The following KCNG3 variants were observed in gnomAD, a reference collection of about 807,000 sequenced individuals.
KCNG3 encodes potassium voltage-gated channel modifier subfamily G member 3.
A neutral mutation model predicts 29.0 loss-of-function variants in KCNG3; 15 were observed. The ratio of observed to expected loss-of-function variants is 0.52; its 90% CI spans 0.35 to 0.80. The LOEUF is 0.80. KCNG3 is among the 30% of genes least tolerant of loss of function. The pLI, the probability that KCNG3 is intolerant of heterozygous loss-of-function variation, is 0.01. For missense variants in KCNG3, 512 were observed against 605.7 expected (o/e 0.85, Z 1.62); for synonymous variants, 322 against 248.9 (o/e 1.29, Z -2.76).
intron 1 of KCNG3, among the ~76,000 whole-genome samples, chr2:42,464,496 G>C (rs926792717): frequency 6.6e-6 from 1 of 152,182 alleles, no homozygotes; most frequent in African/African-American, 2.4e-5. Context: ...ACTAAAAGCA[G>C]CAATACTCGA....
At chr2:42,417,905 C>A in the KCNG3 span, among the ~76,000 whole-genome samples, 1 of 151,626 alleles carries the variant, frequency 6.6e-6, no homozygotes, top group South Asian at 2.1e-4. Flanking sequence ...CCAGGAGGTG[C>A]GGGTTGCAGT....
In KCNG3 at chr2:42,492,711, C is replaced by G. The variant is rs1433725225; in HGVS notation, c.665+126G>C. ...GGTCCCGTAGTTGGCCGCGCCTGGGCCTCGCTGGGCGCGCACCCCGCTGGC... is the reference window on the plus strand; with the variant it reads ...GGTCCCGTAGTTGGCCGCGCCTGGGGCTCGCTGGGCGCGCACCCCGCTGGC... On this transcript the variant is annotated intron_variant, in intron 1 of 1. Coordinates refer to ENST00000306078, the MANE Select transcript of KCNG3 (RefSeq NM_133329.6). 6 of 738,988 alleles carry G rather than the reference C, an allele frequency of 8.1e-6. No homozygotes were observed. The South Asian group carries it at 2.2e-4, about 27-fold the overall frequency. The allele number at this position is 738,988 out of a possible 1,614,324, so 45.8% of individuals were successfully genotyped here.
chr2:42,418,251 G>A, the KCNG3 span, among the ~76,000 whole-genome samples: 1 of 151,964 alleles, frequency 6.6e-6, no homozygotes, highest in Non-Finnish European at 1.5e-5. Context: ...TGTTTTCAAG[G>A]TTCACCCATG....
chr2:42,441,763 C>G (rs1672489234), downstream of KCNG3, among the ~76,000 whole-genome samples: 1 of 150,256 alleles, frequency 6.7e-6, no homozygotes, highest in African/African-American at 2.4e-5. Flanking sequence ...ATATATATAC[C>G]TATATGTATG....
intron 1 of KCNG3, chr2:42,470,156 A>T (rs1317605780): frequency 4.7e-6 from 2 of 429,870 alleles, no homozygotes; most frequent in East Asian, 4.3e-5. Context: ...ATTCTGTCTG[A>T]TTCTGATAGA....
At chr2:42,417,985 A>T in the KCNG3 span, among the ~76,000 whole-genome samples, 1 of 151,756 alleles carries the variant, frequency 6.6e-6, no homozygotes, top group East Asian at 1.9e-4. Context: ...AAATAAAAAT[A>T]AAAAATAAAA....
the KCNG3 span, among the ~76,000 whole-genome samples, chr2:42,391,090 T>G: frequency 4.3e-4 from 65 of 152,318 alleles, 1 homozygote; most frequent in Admixed American, 3.6e-3. Flanking sequence ...CCCAGACAGC[T>G]CTGCCAGGAT....
intron 1 of KCNG3, among the ~76,000 whole-genome samples, chr2:42,488,749 C>T (rs1487433420): frequency 1.3e-5 from 2 of 152,078 alleles, no homozygotes; most frequent in East Asian, 3.9e-4. Flanking sequence ...GGGGTTTCAC[C>T]ATGTTGGTCT....
At chr2:42,473,108 A>T (rs1230677562) in intron 1 of KCNG3, among the ~76,000 whole-genome samples, 2 of 149,934 alleles carry the variant, frequency 1.3e-5, no homozygotes, top group Non-Finnish European at 3.0e-5. Context: ...GTGTTAGCCC[A>T]GATGGTCTCC....
Position 42,443,559 on chromosome 2 carries a change from A to C in KCNG3, c.*375T>G. 1 of 165,062 alleles carries C rather than the reference A, an allele frequency of 6.1e-6. No homozygotes were observed. The highest frequency in any genetic ancestry group is 2.0e-4 in the South Asian group (1 of 5,080). The allele number at this position is 165,062 out of a possible 1,614,324, so 10.2% of individuals were successfully genotyped here. A position where few individuals can be genotyped will look rare whatever the true frequency, so the allele number is the denominator to read the frequency against. On this transcript the variant is annotated 3_prime_UTR_variant, in exon 2 of 2. Coordinates refer to ENST00000306078, the MANE Select transcript of KCNG3 (RefSeq NM_133329.6). ...ATGAAAATGTTACTCTCAAACAAAA[A>C]ACACTATAAGTTCCAAGCTTCTTCT...
At chr2:42,440,679 G>A (rs1672452981), downstream of KCNG3, among the ~76,000 whole-genome samples, 1 of 152,156 alleles carries the variant, frequency 6.6e-6, no homozygotes, top group South Asian at 2.1e-4. Flanking sequence ...CAGAAAGTAT[G>A]AACTTACAAA....
At chr2:42,482,201 A>G (rs1673604323) in intron 1 of KCNG3, among the ~76,000 whole-genome samples, 1 of 152,250 alleles carries the variant, frequency 6.6e-6, no homozygotes, top group South Asian at 2.1e-4. Flanking sequence ...CTAAATACAT[A>G]GTCGGTGCTC....
At chr2:42,441,386 T>C (rs1672475428), downstream of KCNG3, among the ~76,000 whole-genome samples, 1 of 151,730 alleles carries the variant, frequency 6.6e-6, no homozygotes, top group Non-Finnish European at 1.5e-5. Context: ...AAACTCTATC[T>C]CTAGAAAAAA....
chr2:42,404,520 A>C, the KCNG3 span, among the ~76,000 whole-genome samples: 1 of 152,258 alleles, frequency 6.6e-6, no homozygotes, highest in East Asian at 1.9e-4. Context: ...TGTGAGCTCA[A>C]GGGTTTGAGA....
chr2:42,421,359 C>A, the KCNG3 span, among the ~76,000 whole-genome samples: 109 of 152,172 alleles, frequency 7.2e-4, no homozygotes, highest in African/African-American at 2.5e-3. Context: ...AGAAGATGAA[C>A]CTAATCTATT....
chr2:42,388,698 C>T, the KCNG3 span: 1 of 152,158 alleles, frequency 6.6e-6, no homozygotes, highest in Non-Finnish European at 1.5e-5. Flanking sequence ...ACCTTAATTA[C>T]TTCCTAAGAG....
intron 1 of KCNG3, among the ~76,000 whole-genome samples, chr2:42,470,644 G>A (rs1474881249): frequency 6.6e-6 from 1 of 152,192 alleles, no homozygotes; most frequent in Non-Finnish European, 1.5e-5. Flanking sequence ...GGAGGCTGAG[G>A]CAGGCAGATA....
the KCNG3 span, among the ~76,000 whole-genome samples, chr2:42,418,594 T>A: frequency 6.6e-6 from 1 of 152,208 alleles, no homozygotes; most frequent in Non-Finnish European, 1.5e-5. Context: ...TTAAAATAAA[T>A]GCTTCTTTTT....
At chr2:42,415,756 A>G in the KCNG3 span, among the ~76,000 whole-genome samples, 64 of 152,024 alleles carry the variant, frequency 4.2e-4, no homozygotes, top group Non-Finnish European at 8.4e-4. Context: ...AAACAAAACA[A>G]AAAACCCTAC....
Sources: allele counts gnomAD v4.1 joint callset (sites outside exome capture counted in the v4.1 genomes callset), GRCh38; gene constraint gnomAD v4.1.1; transcripts MANE v1.5; gene names NCBI Gene and HGNC (gene_info 2026-07-23, HGNC 2026-07-21).